SRRM2: variants seen among roughly 807,000 people sequenced by gnomAD.
The protein encoded by SRRM2 is serine/arginine repetitive matrix protein 2.
SRRM2 carries 30 observed loss-of-function variants against 213.8 expected under a neutral mutation model. The observed-to-expected ratio is 0.14, with a 90% CI of 0.10 to 0.19. The LOEUF is 0.19. SRRM2 is among the 10% of genes least tolerant of loss of function. The pLI is 1.00. For missense variants in SRRM2, 4,904 were observed against 3,647.0 expected (o/e 1.34, Z -8.88); for synonymous variants, 2,025 against 1,377.7 (o/e 1.47, Z -10.40).
chr16:2,761,687 A>G lies in SRRM2; in HGVS notation c.1159A>G (p.Ser387Gly). 1.9e-6 allele frequency: 3 copies of G among 1,603,942 alleles called. No homozygotes were observed. Among genetic ancestry groups the G allele is most frequent in the Non-Finnish European group, 2.6e-6 (3 of 1,175,004 alleles). ...ACAACCCCTTGCAACCACCCCCTTAAGCCAGGAGCCAGTGAACCCCCCATC... is the reference window on the plus strand; with the variant it reads ...ACAACCCCTTGCAACCACCCCCTTAGGCCAGGAGCCAGTGAACCCCCCATC... ...SPQPLATTPL[S>G]QEPVNPPSEA... The change falls in exon 11 of 15, where the codon AGC becomes GGC. Residue 387 changes from serine (S) to glycine (G), a missense_variant. Ser to Gly is a moderately conservative substitution (Grantham distance 56). Transcript: ENST00000301740.
At chr16:2,770,555 T>A in intron 13 of SRRM2, 49 bp from the exon 14 acceptor site, 4 of 1,551,460 alleles carry the variant, frequency 2.6e-6, no homozygotes, top group Non-Finnish European at 3.5e-6. Flanking sequence ...GGCTATGTGG[T>A]GCCTGAGGTG....
chr16:2,762,424 A>C lies in SRRM2; in HGVS notation c.1896A>C (p.Arg632=). The C allele has an allele frequency of 6.2e-7, 1 of 1,613,892 alleles. No homozygotes were observed. Among genetic ancestry groups the C allele is most frequent in the Non-Finnish European group, 8.5e-7 (1 of 1,179,956 alleles). Residue 632 remains arginine (R), a synonymous_variant, in exon 11 of 15, where the codon CGA becomes CGC. Coordinates refer to ENST00000301740, the MANE Select transcript of SRRM2 (RefSeq NM_016333.4). ...RRRSRTRSPV[R]RRSRSRSPAR... ...GATCTAGGACCCGATCACCAGTACG[A>C]CGCAGGTCTCGTAGTAGATCACCAG... is the stretch of plus-strand genomic sequence containing the variant.
Position 2,759,180 on chromosome 16 carries a change from C to G in SRRM2, c.689+8C>G. The G allele has an allele frequency of 6.2e-7, 1 of 1,613,976 alleles. No individual in the cohort carries two copies. Among genetic ancestry groups the G allele is most frequent in the Non-Finnish European group, 8.5e-7 (1 of 1,180,000 alleles). On this transcript the variant is annotated splice_region_variant and intron_variant, in intron 7 of 14. Coordinates refer to ENST00000301740, the MANE Select transcript of SRRM2 (RefSeq NM_016333.4). Reference sequence around the variant, plus strand: ...CAAGAAACGTAAGCATAGGTAAGAGCTCTTTAACTCATAGGGGGCGCAGTG... The same window carrying G: ...CAAGAAACGTAAGCATAGGTAAGAGGTCTTTAACTCATAGGGGGCGCAGTG...
Position 2,762,505 on chromosome 16 carries a change from C to T in SRRM2, c.1977C>T (p.Arg659=), listed in dbSNP as rs747916541. 32 of 1,613,356 alleles carry T rather than the reference C, an allele frequency of 2.0e-5. No individual in the cohort carries two copies. Among genetic ancestry groups the T allele is most frequent in the Middle Eastern group, 1.6e-4 (1 of 6,078 alleles). The change falls in exon 11 of 15, where the codon CGC becomes CGT. Residue 659 remains arginine (R), a synonymous_variant. Transcript: ENST00000301740. The part of the protein sequence containing the change: ...SRTPARRGRS[R]SRTPARRGRS... ...CCCCAGCTAGACGTGGCCGCTCACG[C>T]TCCAGAACCCCAGCCAGACGTGGCC... is the stretch of plus-strand genomic sequence containing the variant.
chr16:2,760,501 T>TA lies in SRRM2; in HGVS notation c.1032+3dup. On this transcript the variant is annotated splice_region_variant and intron_variant, in intron 10 of 14. Transcript: ENST00000301740. Reference sequence around the variant, plus strand: ...GACAAAGATAAAGACAAGAAGGAGGTATGTTCCTGAGTTGGTGATGTTCAT... The same window carrying TA: ...GACAAAGATAAAGACAAGAAGGAGGTAATGTTCCTGAGTTGGTGATGTTCAT... The TA allele has an allele frequency of 6.2e-6, 10 of 1,613,862 alleles. No individual in the cohort carries two copies. Among genetic ancestry groups the TA allele is most frequent in the Non-Finnish European group, 8.5e-6 (10 of 1,179,936 alleles).
At chr16:2,753,076 C>T (rs2067992836) in intron 1 of SRRM2, among the ~76,000 whole-genome samples, 1 of 150,154 alleles carries the variant, frequency 6.7e-6, no homozygotes, top group South Asian at 2.1e-4. Flanking sequence ...GCGTTCGCAG[C>T]CGCCTGTACT....
chr16:2,768,819 C>G (rs2068633007), intron 11 of SRRM2, 178 bp from the exon 12 acceptor site: 1 of 1,274,626 alleles, frequency 7.8e-7, no homozygotes, highest in African/African-American at 1.5e-5. Context: ...CTTCTGTTAG[C>G]AGAGGTTGGG....
At position 2,756,598 on chromosome 16, in the gene SRRM2, A is replaced by G; in HGVS notation, c.234A>G (p.Glu78=). The G allele has an allele frequency of 6.2e-7, 1 of 1,612,656 alleles. No individual in the cohort carries two copies. Among genetic ancestry groups the G allele is most frequent in the Non-Finnish European group, 8.5e-7 (1 of 1,179,216 alleles). ...LRCLELEEMM[E]EQGYEEQQIQ... The stretch of plus-strand genomic sequence containing the variant: ...GCCTCGAGCTGGAGGAGATGATGGA[A>G]GAGCAGGGGTGAGGGAGAGCTGGGG... The change falls in exon 2 of 15, where the codon GAA becomes GAG. Residue 78 remains glutamate (E), a synonymous_variant. Transcript: ENST00000301740.
chr16:2,758,320 G>A, intron 4 of SRRM2, 150 bp from the exon 5 acceptor site: 2 of 737,550 alleles, frequency 2.7e-6, no homozygotes, highest in South Asian at 1.8e-5. Context: ...GGTGTGAGCT[G>A]TGTTGCTGCC....
chr16:2,759,711 T>G (rs768231853), intron 9 of SRRM2, 50 bp downstream of exon 9: 1 of 1,536,728 alleles, frequency 6.5e-7, no homozygotes, highest in South Asian at 1.1e-5. Context: ...ATGGGTTAAT[T>G]AATTTAATAT....
chr16:2,758,923 G>C (rs1242910448), intron 5 of SRRM2, 62 bp from the exon 6 acceptor site: 2 of 1,593,304 alleles, frequency 1.3e-6, no homozygotes, highest in African/African-American at 1.3e-5. Flanking sequence ...GAGAGAGATT[G>C]TAAGTGGGAG....
Position 2,763,334 on chromosome 16 carries a change from C to T in SRRM2, c.2806C>T (p.Pro936Ser), listed in dbSNP as rs749644035. ...AAGAAGCCATTCTGGCTCCTCTTCT[C>T]CAAGTCCTAGTAGGGTGACGTCGAG... ...RQRSHSGSSS[P>S]SPSRVTSRTT... Residue 936 changes from proline to serine, a missense_variant, in exon 11 of 15, where the codon CCA becomes TCA. Pro to Ser is a moderately conservative substitution (Grantham distance 74). Transcript: ENST00000301740. 9 of 1,614,160 alleles carry T rather than the reference C, an allele frequency of 5.6e-6. No homozygotes were observed. Among genetic ancestry groups the T allele is most frequent in the Non-Finnish European group, 7.6e-6 (9 of 1,180,030 alleles).
Position 2,767,809 on chromosome 16 carries a change from T to A in SRRM2, c.7281T>A (p.Pro2427=). 1 of 1,613,960 alleles carries A rather than the reference T, an allele frequency of 6.2e-7. No individual in the cohort carries two copies. Among genetic ancestry groups the A allele is most frequent in the Non-Finnish European group, 8.5e-7 (1 of 1,179,974 alleles). The change falls in exon 11 of 15, where the codon CCT becomes CCA. Residue 2427 remains proline, a synonymous_variant. Coordinates refer to ENST00000301740, the MANE Select transcript of SRRM2 (RefSeq NM_016333.4). ...SRMTSERAPS[P]SSRMGQAPSQ... ...TGACCTCTGAACGGGCTCCCTCCCC[T>A]TCCTCTAGAATGGGCCAGGCTCCTT...
rs116681042 is a variant in SRRM2 at position 2,770,428 on chromosome 16, C to T, written c.8098C>T (p.Arg2700Cys). The T allele has an allele frequency of 5.6e-4, 906 of 1,610,694 alleles. 3 individuals are homozygous for T. The African/African-American group carries it at 6.9e-3, about 12-fold the overall frequency. Reference protein sequence around the residue: ...SLSYSPVERRRPSPQPSPRDQ... With the variant: ...SLSYSPVERRCPSPQPSPRDQ... ...CAGCTACTCGCCTGTGGAGCGTCGC[C>T]GTCCCTCGCCCCAGCCCTCACCACG... is the stretch of plus-strand genomic sequence containing the variant. The change falls in exon 13 of 15, where the codon CGT becomes TGT. Residue 2700 changes from arginine (R) to cysteine (C), a missense_variant. By Grantham distance (180) the Arg-to-Cys change is radical. Transcript: ENST00000301740.
At position 2,763,060 on chromosome 16, in the gene SRRM2, G is replaced by A. The variant is rs749889351; in HGVS notation, c.2532G>A (p.Val844=). Residue 844 remains valine, a synonymous_variant, in exon 11 of 15, where the codon GTG becomes GTA. Transcript: ENST00000301740. ...CCAGTTCATCTCCTCATCCTAAAGT[G>A]AAATCTGGAACACCACCGAGGCAAG... The part of the protein sequence containing the change: ...SHSSSSPHPK[V]KSGTPPRQGS... The A allele has an allele frequency of 6.2e-7, 1 of 1,614,026 alleles. No individual in the cohort carries two copies. Among genetic ancestry groups the A allele is most frequent in the South Asian group, 1.1e-5 (1 of 91,064 alleles).
At chr16:2,760,740 A>T (rs923780557) in intron 10 of SRRM2, 1 of 495,578 alleles carries the variant, frequency 2.0e-6, no homozygotes, top group African/African-American at 1.9e-5. Flanking sequence ...TGTCTTGTTT[A>T]TACATAGATA....
In SRRM2 at chr16:2,767,132, G is replaced by C. The variant is rs2068572916; in HGVS notation, c.6604G>C (p.Ala2202Pro). The change falls in exon 11 of 15, where the codon GCT becomes CCT. Residue 2202 changes from alanine (A) to proline (P), a missense_variant. Ala to Pro is a conservative substitution (Grantham distance 27). Coordinates refer to ENST00000301740, the MANE Select transcript of SRRM2 (RefSeq NM_016333.4). Reference sequence around the variant, plus strand: ...TCGGCCTCCTCCGTCCATGTCTGCTGCTGGCCTTGCTGCAAGAATGTCCCA... The same window carrying C: ...TCGGCCTCCTCCGTCCATGTCTGCTCCTGGCCTTGCTGCAAGAATGTCCCA... ...TARPPPSMSAAGLAARMSQVP... is the reference protein window; with the variant it reads ...TARPPPSMSAPGLAARMSQVP... 1.2e-6 allele frequency: 2 copies of C among 1,614,056 alleles called. No homozygotes were observed.
intron 12 of SRRM2, 93 bp downstream of exon 12, chr16:2,769,377 C>CA: frequency 1.4e-6 from 2 of 1,424,930 alleles, no homozygotes; most frequent in South Asian, 2.8e-5. Context: ...CTGGGTGTCT[C>CA]ACGTGGCCTT....
Position 2,761,817 on chromosome 16 carries a change from T to C in SRRM2, c.1289T>C (p.Val430Ala). 4.3e-6 allele frequency: 7 copies of C among 1,613,754 alleles called. No individual in the cohort carries two copies. The highest frequency in any genetic ancestry group is 5.9e-6 in the Non-Finnish European group (7 of 1,179,958). ...SSPPSPQPTK[V>A]SRHASSSPES... is the part of the protein sequence containing the mutation. ...CCACCATCCCCTCAACCTACCAAAG[T>C]TTCTCGGCATGCCAGCTCTTCCCCA... The change falls in exon 11 of 15, where the codon GTT (valine) becomes GCT (alanine). Residue 430 changes from valine to alanine, a missense_variant. Val to Ala is a moderately conservative substitution (Grantham distance 64). Coordinates refer to ENST00000301740, the MANE Select transcript of SRRM2 (RefSeq NM_016333.4).
Sources: allele counts gnomAD v4.1 joint callset (sites outside exome capture counted in the v4.1 genomes callset), GRCh38; gene constraint gnomAD v4.1.1; transcripts MANE v1.5; gene names NCBI Gene and HGNC (gene_info 2026-07-23, HGNC 2026-07-21).